Variants in SRGAP3 observed in about 807,000 individuals in gnomAD.
The protein encoded by SRGAP3 is SLIT-ROBO Rho GTPase activating protein 3.
SRGAP3 carries 39 observed loss-of-function variants against 121.1 expected under a neutral mutation model. The observed-to-expected ratio is 0.32, with a 90% CI of 0.25 to 0.42. SRGAP3 has a LOEUF of 0.42. SRGAP3 is among the 10% of genes least tolerant of loss of function. SRGAP3 has a pLI of 1.00. For synonymous variants in SRGAP3, 601 were observed against 570.0 expected, an observed-to-expected ratio of 1.05 and a Z score of -0.77; for missense variants, 1,213 against 1,470.6, an observed-to-expected ratio of 0.82 and a Z score of 2.86.
At chr3:9,041,002 T>C (rs940897074) in intron 10 of SRGAP3, among the ~76,000 whole-genome samples, 7 of 152,212 alleles carry the variant, frequency 4.6e-5, no homozygotes, top group African/African-American at 1.4e-4. Flanking sequence ...ACAAAGTATA[T>C]GCTCAACAAA....
chr3:9,129,007 C>G (rs1017383453), intron 1 of SRGAP3, among the ~76,000 whole-genome samples: 1 of 152,192 alleles, frequency 6.6e-6, no homozygotes, highest in South Asian at 2.1e-4. Flanking sequence ...GAGCTGCTCA[C>G]TTAAGATCTG....
At position 9,053,238 on chromosome 3, in the gene SRGAP3, G is replaced by C. The variant is rs1387958371; in HGVS notation, c.1126-14C>G. 3.1e-6 allele frequency: 5 copies of C among 1,611,596 alleles called. No homozygotes were observed. The highest frequency in any genetic ancestry group is 4.2e-6 in the Non-Finnish European group (5 of 1,178,700). On this transcript the variant is annotated splice_polypyrimidine_tract_variant and intron_variant, in intron 8 of 21. Transcript: ENST00000383836. The stretch of plus-strand genomic sequence containing the variant: ...GGTTTTCCTAACCTGGGGAAACACA[G>C]CAGATTGACAAAAATCCTGTATTCT...
chr3:9,125,679 CCAATAA>C (rs1404833512), intron 1 of SRGAP3, among the ~76,000 whole-genome samples: 5 of 152,222 alleles, frequency 3.3e-5, no homozygotes, highest in Non-Finnish European at 7.3e-5. Flanking sequence ...CAGCTGAATG[CCAATAA>C]CCACATCCAT....
chr3:9,284,190 T>C (rs549980831), intron 3 of SRGAP3, among the ~76,000 whole-genome samples: 1 of 152,266 alleles, frequency 6.6e-6, no homozygotes, highest in East Asian at 1.9e-4. Flanking sequence ...CAAGTGCTCT[T>C]CCTGAAACAA....
intron 1 of SRGAP3, among the ~76,000 whole-genome samples, chr3:9,131,433 C>CTTTTTTTTT (rs869155697): frequency 4.4e-5 from 4 of 90,226 alleles, no homozygotes; most frequent in Non-Finnish European, 6.1e-5. Flanking sequence ...AGATCTAATT[C>CTTTTTTTTT]TTTTTTTTTT....
intron 2 of SRGAP3, among the ~76,000 whole-genome samples, chr3:9,106,480 C>A (rs926869916): frequency 6.6e-6 from 1 of 152,158 alleles, no homozygotes; most frequent in Non-Finnish European, 1.5e-5. Flanking sequence ...CCACTATTAG[C>A]GTTTTTTGAG....
intron 1 of SRGAP3, among the ~76,000 whole-genome samples, chr3:9,190,855 G>C (rs1951731742): frequency 6.6e-6 from 1 of 152,142 alleles, no homozygotes; most frequent in South Asian, 2.1e-4. Context: ...CAGGGCTGGG[G>C]ACCCTTAGGG....
intron 3 of SRGAP3, among the ~76,000 whole-genome samples, chr3:9,311,031 G>A (rs1212498281): frequency 6.6e-6 from 1 of 151,988 alleles, no homozygotes; most frequent in Non-Finnish European, 1.5e-5. Context: ...TTAGCTGGGT[G>A]TGGTGGTGGG....
chr3:9,282,929 G>A (rs1055784479), intron 3 of SRGAP3, among the ~76,000 whole-genome samples: 7 of 151,894 alleles, frequency 4.6e-5, no homozygotes, highest in African/African-American at 1.7e-4. Flanking sequence ...TTCAGCAAGT[G>A]GTAGTTTCTT....
At chr3:9,236,949 A>G (rs1351061391) in intron 1 of SRGAP3, among the ~76,000 whole-genome samples, 1 of 152,170 alleles carries the variant, frequency 6.6e-6, no homozygotes, top group African/African-American at 2.4e-5. Context: ...TAGGAACTCA[A>G]TTAATAGAAT....
At chr3:9,030,606 C>T (rs890470882) in intron 12 of SRGAP3, among the ~76,000 whole-genome samples, 1 of 152,198 alleles carries the variant, frequency 6.6e-6, no homozygotes, top group Admixed American at 6.5e-5. Context: ...ATGTGGTTGA[C>T]TAGGTTATGA....
At chr3:9,211,345 C>G (rs1303439909) in intron 1 of SRGAP3, among the ~76,000 whole-genome samples, 1 of 152,184 alleles carries the variant, frequency 6.6e-6, no homozygotes, top group South Asian at 2.1e-4. Context: ...AAAAAAACAT[C>G]TGAAAACCAC....
At chr3:9,361,974 A>G (rs1230610502) in intron 1 of SRGAP3, among the ~76,000 whole-genome samples, 1 of 152,128 alleles carries the variant, frequency 6.6e-6, no homozygotes, top group Admixed American at 6.6e-5. Flanking sequence ...TCAACTGCAC[A>G]TGCACAAATT....
intron 3 of SRGAP3, among the ~76,000 whole-genome samples, chr3:9,309,589 G>A (rs1424856092): frequency 1.3e-5 from 2 of 152,068 alleles, no homozygotes; most frequent in Non-Finnish European, 2.9e-5. Flanking sequence ...AGCCAGGTGT[G>A]GTGGCTCAGG....
intron 3 of SRGAP3, among the ~76,000 whole-genome samples, chr3:9,325,825 C>T (rs1480086743): frequency 1.3e-5 from 2 of 151,764 alleles, no homozygotes; most frequent in African/African-American, 4.8e-5. Context: ...AAAACTATAC[C>T]CTATAAGTGT....
At chr3:8,998,372 T>C (rs1942541608) in intron 18 of SRGAP3, among the ~76,000 whole-genome samples, 1 of 152,306 alleles carries the variant, frequency 6.6e-6, no homozygotes, top group East Asian at 1.9e-4. Context: ...TCAAATGTCA[T>C]TGCCTTACCA....
chr3:9,361,050 T>C (rs1253273279), intron 1 of SRGAP3, among the ~76,000 whole-genome samples: 1 of 152,234 alleles, frequency 6.6e-6, no homozygotes. Flanking sequence ...TTTCATGTGC[T>C]TATTGGCCAT....
chr3:9,299,292 C>T (rs1417440536), intron 3 of SRGAP3, among the ~76,000 whole-genome samples: 12 of 144,560 alleles, frequency 8.3e-5, no homozygotes, highest in Non-Finnish European at 1.5e-4. Context: ...ACTCGAGAGG[C>T]GGAGACTGCA....
chr3:9,148,862 A>G (rs1950113871), intron 1 of SRGAP3, among the ~76,000 whole-genome samples: 1 of 152,190 alleles, frequency 6.6e-6, no homozygotes, highest in Admixed American at 6.5e-5. Context: ...TGAAGAAAGA[A>G]TGGATTCCTT....
Sources: allele counts gnomAD v4.1 joint callset (sites outside exome capture counted in the v4.1 genomes callset), GRCh38; gene constraint gnomAD v4.1.1; transcripts MANE v1.5; gene names NCBI Gene and HGNC (gene_info 2026-07-23, HGNC 2026-07-21).